Variants in CFAP44 observed in about 807,000 individuals in gnomAD.
CFAP44 encodes cilia- and flagella-associated protein 44.
CFAP44 carries 134 observed loss-of-function variants against 216.2 expected under a neutral mutation model. The observed-to-expected ratio is 0.62, with a 90% CI of 0.54 to 0.72. CFAP44 has a LOEUF of 0.72. Ranked by LOEUF, CFAP44 falls within the 30% of genes least tolerant of loss-of-function variation. The pLI is 0.00. For synonymous variants in CFAP44, 700 were observed against 727.6 expected, an observed-to-expected ratio of 0.96 and a Z score of 0.61; for missense variants, 2,035 against 2,182.1, an observed-to-expected ratio of 0.93 and a Z score of 1.34.
At chr3:113,374,641 T>A (rs1933280439) in intron 17 of CFAP44, among the ~76,000 whole-genome samples, 1 of 152,096 alleles carries the variant, frequency 6.6e-6, no homozygotes, top group South Asian at 2.1e-4. Context: ...TCTATTTTTG[T>A]GTGTTTGTTT....
At chr3:113,331,538 T>C (rs1374427138) in intron 25 of CFAP44, among the ~76,000 whole-genome samples, 1 of 152,152 alleles carries the variant, frequency 6.6e-6, no homozygotes, top group African/African-American at 2.4e-5. Flanking sequence ...CAGAAAACTG[T>C]ATCAAGATAG....
chr3:113,357,251 T>A (rs1425060420), intron 22 of CFAP44, among the ~76,000 whole-genome samples: 1 of 152,168 alleles, frequency 6.6e-6, no homozygotes, highest in African/African-American at 2.4e-5. Context: ...CAAAAAGCTA[T>A]GTTGAGGCCC....
intron 28 of CFAP44, among the ~76,000 whole-genome samples, chr3:113,311,247 C>T (rs1280944486): frequency 1.3e-5 from 2 of 152,146 alleles, no homozygotes; most frequent in African/African-American, 4.8e-5. Flanking sequence ...AATTTAAGAA[C>T]TGAAAAATAC....
chr3:113,428,051 A>G (rs192209599), intron 2 of CFAP44, among the ~76,000 whole-genome samples: 2 of 152,360 alleles, frequency 1.3e-5, no homozygotes, highest in African/African-American at 4.8e-5. Flanking sequence ...GGCCAAGCCA[A>G]TTAGTTGCGG....
intron 24 of CFAP44, among the ~76,000 whole-genome samples, chr3:113,335,988 A>G (rs139545239): frequency 6.6e-6 from 1 of 152,350 alleles, no homozygotes; most frequent in African/African-American, 2.4e-5. Flanking sequence ...GGAAGAAATC[A>G]CAAGGGATAT....
intron 23 of CFAP44, 36 bp from the exon 24 acceptor site, chr3:113,341,954 G>A: frequency 6.8e-7 from 1 of 1,481,310 alleles, no homozygotes; most frequent in East Asian, 2.6e-5. Flanking sequence ...GCCTTTTTGA[G>A]ACATAAAAAC....
In CFAP44 at chr3:113,396,540, T is replaced by A. The variant is rs754131517; in HGVS notation, c.1757A>T (p.Asp586Val). 6.2e-6 allele frequency: 10 copies of A among 1,614,082 alleles called. No homozygotes were observed. The highest frequency in any genetic ancestry group is 1.6e-4 in the Middle Eastern group (1 of 6,062). The change falls in exon 14 of 35, where the codon GAT becomes GTT. Residue 586 changes from aspartate (D) to valine (V), a missense_variant. Physicochemically the swap from Asp to Val is radical, Grantham distance 152. This residue lies in a region of CFAP44 where 1,883 missense variants were observed against 2,023.7 expected (regional missense o/e 0.93). Transcript: ENST00000393845. ...ACVTALAYER[D>V]GEILATGSKD... ...TACCCCTGTGGCTAGAATTTCCCCA[T>A]CACGTTCATAAGCTAAAGCAGTGAC...
At chr3:113,341,658 T>C in intron 24 of CFAP44, 86 bp downstream of exon 24, 1 of 1,257,024 alleles carries the variant, frequency 8.0e-7, no homozygotes, top group Non-Finnish European at 1.0e-6. Context: ...ATGATAACAA[T>C]GTCAATAAAT....
chr3:113,355,655 G>A (rs1481128750), intron 22 of CFAP44, among the ~76,000 whole-genome samples: 5 of 151,972 alleles, frequency 3.3e-5, no homozygotes, highest in Admixed American at 2.6e-4. Context: ...CTCACATTAG[G>A]AGAAATACCT....
chr3:113,372,526 C>T (rs562914496), intron 18 of CFAP44, among the ~76,000 whole-genome samples: 2 of 152,224 alleles, frequency 1.3e-5, no homozygotes, highest in South Asian at 4.1e-4. Flanking sequence ...GGGAATTGAA[C>T]AATGAGAACA....
intron 2 of CFAP44, among the ~76,000 whole-genome samples, chr3:113,429,938 TA>T (rs1204802749): frequency 2.6e-5 from 4 of 152,218 alleles, no homozygotes; most frequent in African/African-American, 9.6e-5. Context: ...AAAAACTTAG[TA>T]AAGACATAGA....
intron 33 of CFAP44, 137 bp from the exon 34 acceptor site, chr3:113,294,958 T>A: frequency 2.8e-6 from 3 of 1,081,048 alleles, no homozygotes; most frequent in South Asian, 3.8e-5. Flanking sequence ...GAAGCCAATA[T>A]GAAAATGCAA....
At position 113,396,423 on chromosome 3, in the gene CFAP44, A is replaced by C. The variant is rs909492250; in HGVS notation, c.1779+95T>G. The C allele has an allele frequency of 3.3e-5, 44 of 1,322,766 alleles. No individual in the cohort carries two copies. The South Asian group carries it at 4.8e-4, about 15-fold the overall frequency. The allele number at this position is 1,322,766 out of a possible 1,614,324, so 81.9% of individuals were successfully genotyped here. A position where few individuals can be genotyped will look rare whatever the true frequency, so the allele number is the denominator to read the frequency against. ...AATGTGAATATATTGATAGAAAATGAATTTCAGTAAATAAGACATGATGAA... is the reference window on the plus strand; with the variant it reads ...AATGTGAATATATTGATAGAAAATGCATTTCAGTAAATAAGACATGATGAA... On this transcript the variant is annotated intron_variant, in intron 14 of 34. Transcript: ENST00000393845.
chr3:113,372,495 C>T (rs1482413276), intron 18 of CFAP44, among the ~76,000 whole-genome samples: 1 of 152,134 alleles, frequency 6.6e-6, no homozygotes, highest in Non-Finnish European at 1.5e-5. Context: ...AACCAAGCAC[C>T]ACATATTCTC....
At chr3:113,392,769 TG>T (rs1321720288) in intron 15 of CFAP44, among the ~76,000 whole-genome samples, 1 of 151,996 alleles carries the variant, frequency 6.6e-6, no homozygotes, top group Non-Finnish European at 1.5e-5. Flanking sequence ...ACAGGGAAAA[TG>T]AAGTCCAAGA....
At chr3:113,317,082 A>G (rs983623354) in intron 28 of CFAP44, among the ~76,000 whole-genome samples, 4 of 152,194 alleles carry the variant, frequency 2.6e-5, no homozygotes, top group Non-Finnish European at 2.9e-5. Context: ...GGGGTAACCA[A>G]ACACCAAGGC....
chr3:113,337,117 T>C (rs1414349755), intron 24 of CFAP44, among the ~76,000 whole-genome samples: 5 of 150,388 alleles, frequency 3.3e-5, no homozygotes, highest in African/African-American at 1.2e-4. Context: ...GGTCACAGGA[T>C]ACTAGATAAA....
At chr3:113,332,846 G>T (rs542336228) in intron 25 of CFAP44, among the ~76,000 whole-genome samples, 3 of 152,216 alleles carry the variant, frequency 2.0e-5, no homozygotes, top group Admixed American at 1.3e-4. Flanking sequence ...GTCTTTGGTG[G>T]TCCATGGCAA....
At chr3:113,337,580 T>C (rs1411476069) in intron 24 of CFAP44, among the ~76,000 whole-genome samples, 4 of 152,152 alleles carry the variant, frequency 2.6e-5, no homozygotes, top group African/African-American at 9.7e-5. Flanking sequence ...CAAGACAATG[T>C]AGTGTTGGTA....
Sources: gnomAD v4.1 joint callset for allele counts (sites outside exome capture counted in the v4.1 genomes callset) on GRCh38, gnomAD v4.1.1 for gene constraint, gnomAD v4.1.1 regional missense constraint, MANE v1.5 for transcripts, NCBI Gene and HGNC (gene_info 2026-07-23, HGNC 2026-07-21) for gene names.